The following USP43 variants were observed in gnomAD, a reference collection of about 807,000 sequenced individuals.
USP43 encodes the protein ubiquitin carboxyl-terminal hydrolase 43.
A neutral mutation model predicts 90.7 loss-of-function variants in USP43; 33 were observed. That is an observed-to-expected ratio of 0.36 (90% CI 0.28 to 0.49). USP43 has a LOEUF of 0.49. Among genes scored for constraint, USP43 ranks in the 20% least tolerant of loss-of-function variants. USP43 has a pLI of 0.98. For synonymous variants in USP43, 598 were observed against 615.8 expected, an observed-to-expected ratio of 0.97 and a Z score of 0.43; for missense variants, 1,274 against 1,476.4, an observed-to-expected ratio of 0.86 and a Z score of 2.25.
At chr17:9,664,839 G>A (rs932645112) in intron 2 of USP43, among the ~76,000 whole-genome samples, 4 of 152,060 alleles carry the variant, frequency 2.6e-5, no homozygotes, top group South Asian at 4.1e-4. Context: ...GGGTTTCACC[G>A]TGTTAGCCAG....
At chr17:9,691,576 G>T (rs1417955044) in intron 8 of USP43, among the ~76,000 whole-genome samples, 1 of 152,012 alleles carries the variant, frequency 6.6e-6, no homozygotes, top group African/African-American at 2.4e-5. Context: ...CCCTCCTTGC[G>T]ACTCTTAGAT....
At chr17:9,689,535 G>T (rs1264059350) in intron 8 of USP43, among the ~76,000 whole-genome samples, 3 of 151,654 alleles carry the variant, frequency 2.0e-5, no homozygotes, top group African/African-American at 4.8e-5. Context: ...CCTCATCCTT[G>T]CAAGTAGCTG....
At chr17:9,666,518 G>T in intron 2 of USP43, 130 bp from the exon 3 acceptor site, 1 of 700,446 alleles carries the variant, frequency 1.4e-6, no homozygotes, top group East Asian at 2.7e-5. Context: ...CAGCACTGAA[G>T]GTTGAGACTC....
At chr17:9,692,062 A>G (rs2151982467) in intron 8 of USP43, among the ~76,000 whole-genome samples, 1 of 142,228 alleles carries the variant, frequency 7.0e-6, no homozygotes, top group Non-Finnish European at 1.5e-5. Flanking sequence ...GAAAATTAAA[A>G]CAAATTTAAT....
rs1169099651 is a variant in USP43, at chr17:9,683,021, C to G, written c.1241+63C>G. 1.9e-6 allele frequency: 3 copies of G among 1,566,388 alleles called. No homozygotes were observed. The East Asian group carries it at 6.8e-5, about 36-fold the overall frequency. On this transcript the variant is annotated intron_variant, in intron 7 of 14. Coordinates refer to ENST00000285199, the MANE Select transcript of USP43 (RefSeq NM_153210.5). The stretch of plus-strand genomic sequence containing the variant: ...GGATTTGTAGACCTGTACTTGGGAG[C>G]CTGTCTAGAGTAAAATTAAACATTT...
intron 9 of USP43, 43 bp downstream of exon 9, chr17:9,693,273 C>T (rs536472030): frequency 6.7e-6 from 10 of 1,497,494 alleles, no homozygotes; most frequent in Non-Finnish European, 9.2e-6. Flanking sequence ...TGAACCCTTT[C>T]TTATTTTACC....
In USP43 at chr17:9,711,987, G is replaced by A. The variant is rs1916223990; in HGVS notation, c.2190G>A (p.Leu730=). The A allele has an allele frequency of 1.2e-6, 2 of 1,610,184 alleles. No homozygotes were observed. The highest frequency in any genetic ancestry group is 4.5e-5 in the East Asian group (2 of 44,562). ...SSMRGSTSSS[L]SDHWLLRLGS... ...CCACAGGCTCTACCAGCTCCTCCCT[G>A]TCTGATCACTGGCTCTTACGGCTCG... is the stretch of plus-strand genomic sequence containing the variant. The change falls in exon 14 of 15, where the codon CTG becomes CTA. Residue 730 remains leucine (L), a synonymous_variant. Coordinates refer to ENST00000285199, the MANE Select transcript of USP43 (RefSeq NM_153210.5).
At chr17:9,667,639 A>G (rs200601629) in intron 3 of USP43, among the ~76,000 whole-genome samples, 2 of 152,168 alleles carry the variant, frequency 1.3e-5, no homozygotes, top group East Asian at 3.9e-4. Context: ...GATGAATAGA[A>G]GTACGAATGG....
At chr17:9,687,150 TTTTC>T (rs1215754472) in intron 8 of USP43, among the ~76,000 whole-genome samples, 25 of 152,346 alleles carry the variant, frequency 1.6e-4, no homozygotes, top group African/African-American at 6.0e-4. Context: ...GGGCAGAGCT[TTTTC>T]TTATTAAATC....
At chr17:9,661,912 C>T (rs779409280) in intron 2 of USP43, among the ~76,000 whole-genome samples, 23 of 152,102 alleles carry the variant, frequency 1.5e-4, no homozygotes, top group Non-Finnish European at 3.4e-4. Flanking sequence ...AGCAACCGAC[C>T]TGAGCTGACT....
At chr17:9,659,798 A>G (rs999984093) in intron 2 of USP43, among the ~76,000 whole-genome samples, 7 of 150,134 alleles carry the variant, frequency 4.7e-5, no homozygotes, top group Admixed American at 4.6e-4. Flanking sequence ...ACCCAAATCC[A>G]GCAAACTCAA....
At chr17:9,711,510 C>A (rs1473760897) in intron 13 of USP43, among the ~76,000 whole-genome samples, 1 of 152,124 alleles carries the variant, frequency 6.6e-6, no homozygotes, top group South Asian at 2.1e-4. Flanking sequence ...CTCACTGCAA[C>A]CTCCGCCTCC....
At chr17:9,672,090 G>A (rs1238903936) in intron 3 of USP43, among the ~76,000 whole-genome samples, 2 of 151,968 alleles carry the variant, frequency 1.3e-5, no homozygotes, top group African/African-American at 2.4e-5. Context: ...TCCGCCTCCC[G>A]GGTGCAAGCG....
At chr17:9,723,679 G>T (rs1917098121) in intron 14 of USP43, among the ~76,000 whole-genome samples, 1 of 150,744 alleles carries the variant, frequency 6.6e-6, no homozygotes, top group Non-Finnish European at 1.5e-5. Context: ...CCCTTCCCAG[G>T]TTCAAGTGAT....
At position 9,674,557 on chromosome 17, in the gene USP43, G is replaced by A. The variant is rs141894999; in HGVS notation, c.741-334G>A. On this transcript the variant is annotated intron_variant, in intron 3 of 14. Coordinates refer to ENST00000285199, the MANE Select transcript of USP43 (RefSeq NM_153210.5). This position sits in a 1 kb window ranked among gnomAD's most constrained non-coding sequence, Gnocchi z 4.4. ...TCATGTCTGGCTTCTTTCACTTAGC[G>A]TGCTGTTTTCAAGGTTCATCCACGT... is the stretch of plus-strand genomic sequence containing the variant. Among the ~76,000 whole-genome samples the A allele has an allele frequency of 3.3e-4, 51 of 152,266 alleles. No individual in the cohort carries two copies. Among genetic ancestry groups the A allele is most frequent in the African/African-American group, 1.1e-3 (47 of 41,544 alleles).
intron 12 of USP43, among the ~76,000 whole-genome samples, chr17:9,708,657 T>C (rs947890502): frequency 2.6e-5 from 4 of 152,146 alleles, no homozygotes; most frequent in African/African-American, 7.2e-5. Context: ...AGACGGAGTC[T>C]CACTGTGTTG....
chr17:9,704,594 G>A (rs905691092), intron 12 of USP43, among the ~76,000 whole-genome samples: 2 of 152,164 alleles, frequency 1.3e-5, no homozygotes, highest in African/African-American at 2.4e-5. Flanking sequence ...TGGGATTACA[G>A]GCGTGAGCCA....
intron 8 of USP43, among the ~76,000 whole-genome samples, chr17:9,691,998 C>T (rs904452987): frequency 1.3e-5 from 2 of 150,962 alleles, no homozygotes; most frequent in Admixed American, 1.3e-4. Context: ...GCTGAGATCA[C>T]ACAACTGCAC....
At chr17:9,681,418 G>C (rs1914233035) in intron 6 of USP43, among the ~76,000 whole-genome samples, 1 of 95,266 alleles carries the variant, frequency 1.0e-5, no homozygotes, top group South Asian at 3.0e-4. Flanking sequence ...ATATTATATA[G>C]CTAAATATCT....
Sources: gnomAD v4.1 joint callset for allele counts (sites outside exome capture counted in the v4.1 genomes callset) on GRCh38, gnomAD v4.1.1 for gene constraint, Gnocchi (gnomAD v3.1) non-coding constraint, MANE v1.5 for transcripts, NCBI Gene and HGNC (gene_info 2026-07-23, HGNC 2026-07-21) for gene names.